Variants in ATXN1 observed in about 807,000 individuals in gnomAD.
ATXN1 encodes the protein ataxin-1.
ATXN1 carries 8 observed loss-of-function variants against 56.4 expected under a neutral mutation model. The ratio of observed to expected loss-of-function variants is 0.14; its 90% CI spans 0.08 to 0.26. ATXN1 has a LOEUF of 0.26. Among genes scored for constraint, ATXN1 ranks in the 10% least tolerant of loss-of-function variants. The probability of loss-of-function intolerance (pLI) is 1.00; values close to 1 mark genes in which losing one functional copy is unlikely to be tolerated. For missense variants in ATXN1, 987 were observed against 1,106.5 expected (o/e 0.89, Z 1.53); for synonymous variants, 514 against 494.6 (o/e 1.04, Z -0.52).
chr6:16,707,756 G>C (rs1458975461), intron 2 of ATXN1, among the ~76,000 whole-genome samples: 3 of 152,014 alleles, frequency 2.0e-5, no homozygotes, highest in Admixed American at 6.6e-5. Context: ...GAGTCATTTG[G>C]GGAACTTAAA....
rs193138390 is a variant in ATXN1, at chr6:16,584,703, T to C, written c.-361+1077A>G. Among the ~76,000 whole-genome samples, 8 of 150,586 alleles carry C rather than the reference T, an allele frequency of 5.3e-5. No individual in the cohort carries two copies. The East Asian group carries it at 1.5e-3, about 29-fold the overall frequency. On this transcript the variant is annotated intron_variant, in intron 4 of 7. Transcript: ENST00000436367. The stretch of plus-strand genomic sequence containing the variant: ...GCATAATCAGTCAGCAAAAAACTCT[T>C]TTTGTTTTCAAAATTCTCAGCATTG...
At chr6:16,622,054 A>G (rs1561782757) in intron 3 of ATXN1, among the ~76,000 whole-genome samples, 2 of 152,372 alleles carry the variant, frequency 1.3e-5, no homozygotes, top group East Asian at 3.8e-4. Context: ...GATTATGATC[A>G]GTGAGCTTCT....
Position 16,579,492 on chromosome 6 carries a change from C to CCCG in ATXN1, c.-361+6287_-361+6288insCGG, listed in dbSNP as rs1561764546. 9.4e-5 allele frequency among the ~76,000 whole-genome samples: 4 copies of CCCG among 42,562 alleles called. 1 individual carries two copies. Among genetic ancestry groups the CCCG allele is most frequent in the East Asian group, 2.4e-3 (2 of 820 alleles). 27.9% of individuals were successfully genotyped at this position (42,562 alleles called of 152,430 possible). A position where few individuals can be genotyped will look rare whatever the true frequency, so the allele number is the denominator to read the frequency against. On this transcript the variant is annotated intron_variant, in intron 4 of 7. Transcript: ENST00000436367. ...TACCTTGGTCAAAGCCCCCCCCCCC[C>CCCG]ACCCGCCGATTCATTCCCAAGTCCA...
At chr6:16,758,680 T>C (rs1024666931) in intron 1 of ATXN1, among the ~76,000 whole-genome samples, 6 of 152,222 alleles carry the variant, frequency 3.9e-5, no homozygotes, top group Non-Finnish European at 7.3e-5. Context: ...TCTGTTGCCA[T>C]GGCAGCCTGA....
At chr6:16,432,074 A>G (rs1436095687) in intron 6 of ATXN1, among the ~76,000 whole-genome samples, 1 of 152,192 alleles carries the variant, frequency 6.6e-6, no homozygotes, top group East Asian at 1.9e-4. Flanking sequence ...CTAATATAAA[A>G]ACTTGTTCAA....
intron 7 of ATXN1, among the ~76,000 whole-genome samples, chr6:16,307,857 A>G (rs909540138): frequency 1.3e-5 from 2 of 152,172 alleles, no homozygotes; most frequent in African/African-American, 2.4e-5. Flanking sequence ...TGGACAGCAA[A>G]TAAGATAGTA....
intron 6 of ATXN1, among the ~76,000 whole-genome samples, chr6:16,475,751 G>T (rs1317693548): frequency 6.6e-6 from 1 of 152,156 alleles, no homozygotes; most frequent in Admixed American, 6.5e-5. Flanking sequence ...CAGATAGAGA[G>T]TAGCTTGCCA....
intron 7 of ATXN1, among the ~76,000 whole-genome samples, chr6:16,324,349 G>A (rs563253783): frequency 1.3e-5 from 2 of 152,040 alleles, no homozygotes; most frequent in South Asian, 4.2e-4. Context: ...TACTAGGGAG[G>A]TTGGGGTGGG....
At chr6:16,585,565 A>G (rs575521787) in intron 4 of ATXN1, among the ~76,000 whole-genome samples, 1 of 152,304 alleles carries the variant, frequency 6.6e-6, no homozygotes, top group East Asian at 1.9e-4. Context: ...TAGTGACCTC[A>G]AAATAAGTAG....
At chr6:16,331,926 AGACTCACTG>A (rs1233034228) in intron 6 of ATXN1, among the ~76,000 whole-genome samples, 27 of 152,374 alleles carry the variant, frequency 1.8e-4, no homozygotes, top group African/African-American at 6.3e-4. Flanking sequence ...TCAGCCCTGA[AGACTCACTG>A]GACTGGTCTT....
chr6:16,694,847 T>A (rs1477798506), intron 2 of ATXN1, among the ~76,000 whole-genome samples: 1 of 152,220 alleles, frequency 6.6e-6, no homozygotes, highest in Admixed American at 6.5e-5. Flanking sequence ...TGCCAGAATG[T>A]TCCTCCTCAA....
chr6:16,556,057 TC>T (rs1404605383), intron 4 of ATXN1, among the ~76,000 whole-genome samples: 1 of 152,230 alleles, frequency 6.6e-6, no homozygotes, highest in African/African-American at 2.4e-5. Context: ...GCATTCTTTT[TC>T]CTCTTGTGGT....
At chr6:16,362,206 T>G (rs1253993846) in intron 6 of ATXN1, among the ~76,000 whole-genome samples, 1 of 152,192 alleles carries the variant, frequency 6.6e-6, no homozygotes, top group East Asian at 1.9e-4. Context: ...TTCGTGACTA[T>G]GGAGAAACAG....
chr6:16,652,745 C>A (rs1443763376), intron 3 of ATXN1: 2 of 152,198 alleles, frequency 1.3e-5, no homozygotes, highest in Non-Finnish European at 2.9e-5. Flanking sequence ...CTAGTAAGGT[C>A]TCCATGAAGC....
intron 4 of ATXN1, among the ~76,000 whole-genome samples, chr6:16,567,658 T>G (rs542077369): frequency 2.1e-3 from 312 of 151,966 alleles, no homozygotes; most frequent in Non-Finnish European, 3.4e-3. Context: ...ATGAGAAATT[T>G]TTACTTGTAT....
At chr6:16,702,684 T>G (rs139883489) in intron 2 of ATXN1, among the ~76,000 whole-genome samples, 1 of 152,116 alleles carries the variant, frequency 6.6e-6, no homozygotes, top group East Asian at 1.9e-4. Flanking sequence ...AGGATATGAA[T>G]AGACACTTCT....
At chr6:16,755,764 C>T (rs1760869750) in intron 1 of ATXN1, among the ~76,000 whole-genome samples, 1 of 151,080 alleles carries the variant, frequency 6.6e-6, no homozygotes, top group Admixed American at 6.6e-5. Flanking sequence ...CAAAACATCA[C>T]AATCGGGGAA....
chr6:16,414,005 ATTGT>A, intron 6 of ATXN1, among the ~76,000 whole-genome samples: 1 of 152,332 alleles, frequency 6.6e-6, no homozygotes, highest in African/African-American at 2.4e-5. Context: ...TGGAACATTG[ATTGT>A]TTGTAAAAGT....
At chr6:16,639,825 T>G (rs1240276375) in intron 3 of ATXN1, among the ~76,000 whole-genome samples, 1 of 152,238 alleles carries the variant, frequency 6.6e-6, no homozygotes, top group African/African-American at 2.4e-5. Flanking sequence ...AAAATTACAA[T>G]GTTTCCTTCT....
Sources: gnomAD v4.1 joint callset for allele counts (sites outside exome capture counted in the v4.1 genomes callset) on GRCh38, gnomAD v4.1.1 for gene constraint, MANE v1.5 for transcripts, NCBI Gene and HGNC (gene_info 2026-07-23, HGNC 2026-07-21) for gene names.